The following FHIT variants were observed in gnomAD, a reference collection of about 807,000 sequenced individuals.
The protein encoded by FHIT is bis(5'-adenosyl)-triphosphatase.
FHIT carries 19 observed loss-of-function variants against 17.9 expected under a neutral mutation model. That is an observed-to-expected ratio of 1.06 (90% CI 0.74 to 1.56). The LOEUF (loss-of-function observed/expected upper bound fraction) is 1.56, where lower values mean the gene tolerates loss of function less well. Ranked by LOEUF, FHIT falls within the 40% of genes most tolerant of loss-of-function variation. The pLI is 0.00. For synonymous variants in FHIT, 81 were observed against 69.7 expected, an observed-to-expected ratio of 1.16 and a Z score of -0.81; for missense variants, 248 against 189.2, an observed-to-expected ratio of 1.31 and a Z score of -1.82.
At chr3:60,303,299 C>A (rs1245523792) in intron 5 of FHIT, among the ~76,000 whole-genome samples, 2 of 152,174 alleles carry the variant, frequency 1.3e-5, no homozygotes, top group Non-Finnish European at 2.9e-5. Flanking sequence ...AAGAAGACTG[C>A]AGGACGGCTA....
intron 3 of FHIT, among the ~76,000 whole-genome samples, chr3:60,885,168 C>T (rs9843597): frequency 0.24 from 35,939 of 151,798 alleles, 4,730 homozygotes; most frequent in African/African-American, 0.33. Context: ...TAATTTGTTA[C>T]ATATTTCAAA....
Position 60,241,029 on chromosome 3 carries a change from T to C in FHIT, c.104-226877A>G, listed in dbSNP as rs370052280. On this transcript the variant is annotated intron_variant, in intron 5 of 9. Coordinates refer to ENST00000492590, the MANE Select transcript of FHIT (RefSeq NM_002012.4). ...GAATTTAAAAGTAAATATTTCTTTA[T>C]GCAAACTTATCATAGTGAGTATCTT... Among the ~76,000 whole-genome samples the C allele has an allele frequency of 2.6e-5, 4 of 152,282 alleles. No homozygotes were observed. In the East Asian group the frequency reaches 5.8e-4, roughly 22 times the overall value.
chr3:60,625,786 T>C (rs2039268615), intron 4 of FHIT, among the ~76,000 whole-genome samples: 1 of 152,214 alleles, frequency 6.6e-6, no homozygotes, highest in Admixed American at 6.5e-5. Context: ...TTTCCATATG[T>C]TGTTAAGACA....
Position 59,747,845 on chromosome 3 carries a change from G to A in FHIT, c.*1740C>T, listed in dbSNP as rs1700689465. On this transcript the variant is annotated 3_prime_UTR_variant, in exon 10 of 10. Transcript: ENST00000492590. ...GAGTACTGGTTTAGGGTTGAAGCAA[G>A]TCTAAAGCCAGCTTGCTCTGGGTTT... Among the ~76,000 whole-genome samples, 1 of 152,124 alleles carries A rather than the reference G, an allele frequency of 6.6e-6. No homozygotes were observed. The highest frequency in any genetic ancestry group is 1.5e-5 in the Non-Finnish European group (1 of 68,014).
intron 8 of FHIT, among the ~76,000 whole-genome samples, chr3:59,865,054 T>C (rs1702581439): frequency 6.6e-6 from 1 of 152,158 alleles, no homozygotes; most frequent in South Asian, 2.1e-4. Flanking sequence ...TCCTCCACTC[T>C]AGGTCAAATA....
chr3:61,072,544 T>A (rs1207150869), intron 2 of FHIT, among the ~76,000 whole-genome samples: 2 of 152,150 alleles, frequency 1.3e-5, no homozygotes, highest in Non-Finnish European at 2.9e-5. Flanking sequence ...CTGGATGCAC[T>A]ATAGCCAAAC....
intron 5 of FHIT, among the ~76,000 whole-genome samples, chr3:60,076,501 T>C (rs1703013664): frequency 6.6e-6 from 1 of 152,080 alleles, no homozygotes; most frequent in Non-Finnish European, 1.5e-5. Context: ...ATGGCCAAAC[T>C]AAGAGCTTTC....
intron 5 of FHIT, among the ~76,000 whole-genome samples, chr3:60,352,558 G>C (rs80002989): frequency 6.6e-6 from 1 of 152,038 alleles, no homozygotes; most frequent in African/African-American, 2.4e-5. Flanking sequence ...CTAAAGTACA[G>C]TGGTGCAATG....
intron 8 of FHIT, among the ~76,000 whole-genome samples, chr3:59,870,581 A>G (rs1702872227): frequency 6.6e-6 from 1 of 152,146 alleles, no homozygotes; most frequent in African/African-American, 2.4e-5. Context: ...TAGAAGAGAG[A>G]ATTTGTGAAA....
chr3:59,804,695 G>C (rs1700127646), intron 8 of FHIT, among the ~76,000 whole-genome samples: 1 of 152,278 alleles, frequency 6.6e-6, no homozygotes, highest in Admixed American at 6.5e-5. Context: ...GATAGCCCCT[G>C]TCATAGCTCA....
intron 5 of FHIT, among the ~76,000 whole-genome samples, chr3:60,495,106 C>G (rs1376891398): frequency 6.6e-6 from 1 of 152,124 alleles, no homozygotes; most frequent in Non-Finnish European, 1.5e-5. Flanking sequence ...ACAAGGGTTC[C>G]CTTTTCTCTA....
chr3:59,974,020 T>C (rs975709193), intron 7 of FHIT, among the ~76,000 whole-genome samples: 1 of 151,710 alleles, frequency 6.6e-6, no homozygotes, highest in African/African-American at 2.4e-5. Flanking sequence ...TTGTGCCACA[T>C]ATAAGGAAGA....
chr3:60,266,852 T>C (rs946347543), intron 5 of FHIT, among the ~76,000 whole-genome samples: 6 of 151,942 alleles, frequency 3.9e-5, no homozygotes, highest in South Asian at 2.1e-4. Context: ...AGTGAAGACT[T>C]TGGGGGCTAA....
At chr3:59,878,096 T>C (rs185734270) in intron 8 of FHIT, among the ~76,000 whole-genome samples, 1 of 152,324 alleles carries the variant, frequency 6.6e-6, no homozygotes. Flanking sequence ...CTGCCTCATA[T>C]AAATGCAGCC....
At chr3:59,998,873 A>G (rs1699620695) in intron 7 of FHIT, among the ~76,000 whole-genome samples, 1 of 152,204 alleles carries the variant, frequency 6.6e-6, no homozygotes, top group Admixed American at 6.5e-5. Flanking sequence ...GTTATTCGCA[A>G]TTAGACTGCA....
intron 7 of FHIT, among the ~76,000 whole-genome samples, chr3:59,973,594 C>T (rs55804635): frequency 0.061 from 9,230 of 152,170 alleles, 337 homozygotes; most frequent in African/African-American, 0.096. Flanking sequence ...TTCTTTATAG[C>T]ATAAAGATGT....
chr3:60,586,698 T>A (rs1161008292), intron 4 of FHIT, among the ~76,000 whole-genome samples: 2 of 151,904 alleles, frequency 1.3e-5, no homozygotes, highest in Non-Finnish European at 2.9e-5. Context: ...TGCAGAAATG[T>A]GGATAGAGCT....
At position 60,861,024 on chromosome 3, in the gene FHIT, G is replaced by GTATATCATGTATATATGACGTACGTCATA. The variant is rs1703783418; in HGVS notation, c.-110-39042_-110-39014dup. Among the ~76,000 whole-genome samples, 3 of 97,658 alleles carry GTATATCATGTATATATGACGTACGTCATA rather than the reference G, an allele frequency of 3.1e-5. 1 individual carries two copies. In the Admixed American group the frequency reaches 3.5e-4, roughly 12 times the overall value. The allele number at this position is 97,658 out of a possible 152,430, so 64.1% of individuals were successfully genotyped here. ...ATCCATATATATGATACATATATAC[G>GTATATCATGTATATATGACGTACGTCATA]TATATCATGTATATATGACGTACGT... On this transcript the variant is annotated intron_variant, in intron 3 of 9. Transcript: ENST00000492590.
chr3:60,221,869 T>C (rs1486275437), intron 5 of FHIT, among the ~76,000 whole-genome samples: 3 of 152,176 alleles, frequency 2.0e-5, no homozygotes, highest in Non-Finnish European at 4.4e-5. Context: ...TATTTAATTT[T>C]TTTTTTAATT....
Sources: gnomAD v4.1 joint callset for allele counts (sites outside exome capture counted in the v4.1 genomes callset) on GRCh38, gnomAD v4.1.1 for gene constraint, MANE v1.5 for transcripts, NCBI Gene and HGNC (gene_info 2026-07-23, HGNC 2026-07-21) for gene names.